The following PPP4R3B variants were observed in gnomAD, a reference collection of about 807,000 sequenced individuals.
The protein encoded by PPP4R3B is protein phosphatase 4 regulatory subunit 3B, also known as serine/threonine-protein phosphatase 4 regulatory subunit 3B.
In PPP4R3B, 52 loss-of-function variants were observed where a neutral mutation model predicts 95.4. The ratio of observed to expected loss-of-function variants is 0.54; its 90% confidence interval spans 0.44 to 0.69. The LOEUF (loss-of-function observed/expected upper bound fraction) is 0.69, where lower values mean the gene tolerates loss of function less well. Among genes scored for constraint, PPP4R3B ranks in the 30% least tolerant of loss-of-function variants. The pLI is 0.00. For missense variants in PPP4R3B, 1,003 were observed against 1,005.9 expected (o/e 1.00, Z 0.04); for synonymous variants, 407 against 343.9 (o/e 1.18, Z -2.03).
At chr2:55,588,515 G>GAAAAA (rs11376018) in intron 5 of PPP4R3B, among the ~76,000 whole-genome samples, 1 of 94,820 alleles carries the variant, frequency 1.1e-5, no homozygotes, top group Admixed American at 1.1e-4. Flanking sequence ...CTCCATCTCA[G>GAAAAA]AAAAAAAAAA....
rs138748538 is a variant in PPP4R3B, at chr2:55,598,715, T to C, written c.622A>G (p.Thr208Ala). ...TCAGAAAACATTACCTCAAAAAGAG[T>C]TGCCTTATTTAGGAATAAGATTCCT... is the stretch of plus-strand genomic sequence containing the variant. Reference protein sequence around the residue: ...IRGILFLNKATLFEVMFSDEC... With the variant: ...IRGILFLNKAALFEVMFSDEC... Residue 208 changes from threonine to alanine, a missense_variant, in exon 4 of 17, where the codon ACT (threonine) becomes GCT (alanine). Coordinates refer to ENST00000616407, the MANE Select transcript of PPP4R3B (RefSeq NM_001122964.3). The C allele has an allele frequency of 1.2e-6, 2 of 1,614,056 alleles. No homozygotes were observed. The highest frequency in any genetic ancestry group is 2.2e-5 in the East Asian group (1 of 44,874).
intron 2 of PPP4R3B, among the ~76,000 whole-genome samples, chr2:55,607,121 C>A (rs7603212): frequency 2.4e-4 from 37 of 152,278 alleles, no homozygotes; most frequent in African/African-American, 8.4e-4. Flanking sequence ...GGGTATGAGA[C>A]TATAGAAATA....
intron 2 of PPP4R3B, chr2:55,615,202 T>A (rs1694720763): frequency 2.4e-6 from 1 of 409,120 alleles, no homozygotes; most frequent in South Asian, 2.7e-5. Flanking sequence ...CTTGGCTAAC[T>A]ACAGTTAAAT....
chr2:55,568,574 A>C (rs1040740212), intron 12 of PPP4R3B, among the ~76,000 whole-genome samples: 1 of 152,244 alleles, frequency 6.6e-6, no homozygotes. Context: ...AGGATCGCTC[A>C]AAACCTGTAC....
chr2:55,608,600 T>G (rs986823449), intron 2 of PPP4R3B, among the ~76,000 whole-genome samples: 3 of 152,180 alleles, frequency 2.0e-5, no homozygotes, highest in African/African-American at 7.2e-5. Flanking sequence ...GTTTCCCACT[T>G]ATTGCTTCTC....
intron 4 of PPP4R3B, among the ~76,000 whole-genome samples, chr2:55,598,047 T>C (rs948538349): frequency 6.6e-6 from 1 of 151,832 alleles, no homozygotes; most frequent in African/African-American, 2.4e-5. Context: ...GTGAAACCCC[T>C]TCCCTACTAA....
chr2:55,585,222 A>T (rs2104295856), intron 6 of PPP4R3B, 55 bp from the exon 7 acceptor site: 6 of 1,345,430 alleles, frequency 4.5e-6, no homozygotes, highest in Non-Finnish European at 6.1e-6. Flanking sequence ...TTATTCTCAC[A>T]TTTCTTTTTT....
chr2:55,586,782 G>C (rs1215091122), intron 5 of PPP4R3B, 48 bp from the exon 6 acceptor site: 1 of 1,146,054 alleles, frequency 8.7e-7, no homozygotes, highest in African/African-American at 1.5e-5. Flanking sequence ...ATAAACTTGG[G>C]GCACACTATA....
chr2:55,578,101 T>A, intron 10 of PPP4R3B, 146 bp downstream of exon 10: 1 of 805,734 alleles, frequency 1.2e-6, no homozygotes, highest in Non-Finnish European at 1.7e-6. Context: ...ATCTCAAAAA[T>A]AACACTGGAT....
chr2:55,613,233 G>A (rs915112853), intron 2 of PPP4R3B, among the ~76,000 whole-genome samples: 2 of 151,910 alleles, frequency 1.3e-5, no homozygotes, highest in African/African-American at 4.8e-5. Flanking sequence ...TTAGAAAAGT[G>A]TACTCAATTT....
intron 2 of PPP4R3B, among the ~76,000 whole-genome samples, chr2:55,604,527 T>C (rs1421002866): frequency 6.6e-6 from 1 of 152,042 alleles, no homozygotes; most frequent in Non-Finnish European, 1.5e-5. Flanking sequence ...TTTGCCTTTT[T>C]TTTTTATATA....
intron 16 of PPP4R3B, 77 bp downstream of exon 16, chr2:55,558,698 C>T: frequency 2.6e-6 from 3 of 1,151,220 alleles, no homozygotes; most frequent in Admixed American, 2.5e-5. Flanking sequence ...TTTGATTATC[C>T]AAATTTTTTT....
At chr2:55,616,805 A>G (rs1695005096) in intron 1 of PPP4R3B, among the ~76,000 whole-genome samples, 1 of 152,006 alleles carries the variant, frequency 6.6e-6, no homozygotes. Flanking sequence ...ATAAGTAAAT[A>G]AAGGGGGAGG....
At chr2:55,596,936 C>A (rs1034871724) in intron 4 of PPP4R3B, among the ~76,000 whole-genome samples, 5 of 152,106 alleles carry the variant, frequency 3.3e-5, no homozygotes, top group Non-Finnish European at 4.4e-5. Flanking sequence ...TGCACTCCAG[C>A]TTGGGCAACA....
chr2:55,588,740 T>C (rs1690536115), intron 5 of PPP4R3B, 139 bp downstream of exon 5: 2 of 542,886 alleles, frequency 3.7e-6, no homozygotes, highest in East Asian at 5.8e-5. Context: ...AATCATTTCA[T>C]AGTTCAATTT....
chr2:55,598,335 G>T (rs1446304281), intron 4 of PPP4R3B, 81 bp downstream of exon 4: 1 of 1,351,524 alleles, frequency 7.4e-7, no homozygotes, highest in African/African-American at 1.5e-5. Context: ...TCAAAAAATA[G>T]AGGGTATAAA....
intron 2 of PPP4R3B, 85 bp from the exon 3 acceptor site, chr2:55,604,161 C>T (rs539211410): frequency 1.1e-5 from 11 of 978,426 alleles, no homozygotes; most frequent in Non-Finnish European, 1.6e-5. Context: ...GGACTGGAAA[C>T]AACACAGCAA....
chr2:55,558,780 T>A lies in PPP4R3B; in HGVS notation c.2449A>T (p.Thr817Ser). 6.2e-7 allele frequency: 1 copy of A among 1,603,256 alleles called. No homozygotes were observed. Among genetic ancestry groups the A allele is most frequent in the Non-Finnish European group, 8.5e-7 (1 of 1,173,124 alleles). The part of the protein sequence containing the change: ...TTNLPTSVTA[T>S]KGSLVGLVDY... ...TGTAATGCTGTTTCACCTACCTTGG[T>A]GGCTGTTACTGACGTAGGCAAGTTT... Residue 817 changes from threonine to serine, a missense_variant, in exon 16 of 17, where the codon ACC (threonine) becomes TCC (serine). By Grantham distance (58) the Thr-to-Ser change is moderately conservative (BLOSUM62 1). This residue lies in a region of PPP4R3B where 229 missense variants were observed against 194.7 expected (regional missense o/e 1.18). Coordinates refer to ENST00000616407, the MANE Select transcript of PPP4R3B (RefSeq NM_001122964.3).
chr2:55,572,433 G>C (rs1688128709), intron 12 of PPP4R3B, among the ~76,000 whole-genome samples: 2 of 152,010 alleles, frequency 1.3e-5, no homozygotes, highest in Admixed American at 1.3e-4. Flanking sequence ...AAAGATAACT[G>C]GCAATTCACA....
Sources: gnomAD v4.1 joint callset for allele counts (sites outside exome capture counted in the v4.1 genomes callset) on GRCh38, gnomAD v4.1.1 for gene constraint, gnomAD v4.1.1 regional missense constraint, MANE v1.5 for transcripts, NCBI Gene and HGNC (gene_info 2026-07-23, HGNC 2026-07-21) for gene names.